Variants in ARMC10 observed in about 807,000 individuals in gnomAD.
ARMC10 encodes armadillo repeat containing 10.
In ARMC10, 23 loss-of-function variants were observed where a neutral mutation model predicts 30.2. The observed-to-expected ratio is 0.76, with a 90% CI of 0.55 to 1.08. The LOEUF is 1.08. ARMC10 is among the 50% of genes least tolerant of loss of function. ARMC10 has a pLI of 0.00. For missense variants in ARMC10, 303 were observed against 413.7 expected, an observed-to-expected ratio of 0.73 and a Z score of 2.32; for synonymous variants, 111 against 164.4, an observed-to-expected ratio of 0.68 and a Z score of 2.48.
intron 3 of ARMC10, 47 bp downstream of exon 3, chr7:103,083,877 T>TA: frequency 6.3e-7 from 1 of 1,596,782 alleles, no homozygotes; most frequent in South Asian, 1.1e-5. Flanking sequence ...TCTTACACAC[T>TA]AGCGGTAATT....
At chr7:103,075,666 T>G in intron 1 of ARMC10, 111 bp from the exon 2 acceptor site, 1 of 918,356 alleles carries the variant, frequency 1.1e-6, no homozygotes, top group South Asian at 2.0e-5. Context: ...AACCTGTTGA[T>G]GGCCTCTCAT....
intron 1 of ARMC10, 73 bp downstream of exon 1, chr7:103,075,484 G>C: frequency 1.0e-5 from 13 of 1,246,262 alleles, no homozygotes; most frequent in Non-Finnish European, 1.3e-5. Context: ...GTGGTGGCTT[G>C]CGTGTGCTCG....
intron 3 of ARMC10, among the ~76,000 whole-genome samples, chr7:103,085,606 CTTTTTTTT>C (rs10581217): frequency 7.7e-6 from 1 of 130,586 alleles, no homozygotes. Flanking sequence ...CATTTCTCTT[CTTTTTTTT>C]TTTTTTTTTT....
intron 3 of ARMC10, among the ~76,000 whole-genome samples, chr7:103,084,498 A>G (rs1425987444): frequency 6.6e-6 from 1 of 152,244 alleles, no homozygotes; most frequent in Non-Finnish European, 1.5e-5. Context: ...ATAAACGTAT[A>G]GGGAGATAGA....
intron 1 of ARMC10, among the ~76,000 whole-genome samples, 155 bp from the exon 2 acceptor site, chr7:103,075,622 C>T (rs1799674977): frequency 6.6e-6 from 1 of 152,262 alleles, no homozygotes; most frequent in South Asian, 2.1e-4. Flanking sequence ...CCTGCCTGAG[C>T]TCCGCGTCAC....
chr7:103,097,874 C>A (rs1219480342), intron 6 of ARMC10, among the ~76,000 whole-genome samples: 1 of 152,152 alleles, frequency 6.6e-6, no homozygotes, highest in Non-Finnish European at 1.5e-5. Flanking sequence ...GAAGAGGAAC[C>A]ATCGTATTCA....
chr7:103,082,007 A>G, intron 2 of ARMC10: 1 of 424,740 alleles, frequency 2.4e-6, no homozygotes, highest in South Asian at 1.7e-5. Flanking sequence ...TCCTGGCTTC[A>G]GTTTCTTCCT....
chr7:103,084,869 A>C (rs1800695396), intron 3 of ARMC10, among the ~76,000 whole-genome samples: 1 of 152,158 alleles, frequency 6.6e-6, no homozygotes, highest in South Asian at 2.1e-4. Context: ...AACCCTTTGG[A>C]TCAATCTCCG....
At position 103,075,825 on chromosome 7, in the gene ARMC10, C is replaced by A. The variant is rs928481443; in HGVS notation, c.188C>A (p.Ala63Asp). Reference sequence around the variant, plus strand: ...GAGGGTCAGTTGTGCGGGCGCTCGGCCCGGCCTCAGACGGGAGGTACCTGG... The same window carrying A: ...GAGGGTCAGTTGTGCGGGCGCTCGGACCGGCCTCAGACGGGAGGTACCTGG... ...TSEGQLCGRS[A>D]RPQTGGTWES... Residue 63 changes from alanine to aspartate, a missense_variant, in exon 2 of 7, where the codon GCC becomes GAC. By Grantham distance (126) the Ala-to-Asp change is moderately radical. This residue lies in a region of ARMC10 where 96 missense variants were observed against 84.2 expected (regional missense o/e 1.14). Transcript: ENST00000323716. The A allele has an allele frequency of 1.2e-6, 2 of 1,611,280 alleles. No homozygotes were observed. Among genetic ancestry groups the A allele is most frequent in the Admixed American group, 3.4e-5 (2 of 59,674 alleles).
At chr7:103,080,597 T>G (rs1040052251) in intron 2 of ARMC10, among the ~76,000 whole-genome samples, 3 of 151,268 alleles carry the variant, frequency 2.0e-5, no homozygotes, top group Admixed American at 6.6e-5. Context: ...ATATATAGAA[T>G]TAAAGTATAG....
intron 5 of ARMC10, among the ~76,000 whole-genome samples, chr7:103,093,496 C>G (rs372885031): frequency 1.3e-5 from 2 of 152,156 alleles, no homozygotes; most frequent in Non-Finnish European, 2.9e-5. Flanking sequence ...TTCCTCTTTT[C>G]CAATAGCCAA....
rs528923794 is a variant in ARMC10 at position 103,083,467 on chromosome 7, TA to T, written c.245-211del. On this transcript the variant is annotated intron_variant, in intron 2 of 6. Transcript: ENST00000323716. ...GACCCCCATCTGTACAAAAAATGTT[TA>T]AAATTAGCCGGGTGTGGTGCATGTG... is the stretch of plus-strand genomic sequence containing the variant. Among the ~76,000 whole-genome samples the T allele has an allele frequency of 2.0e-5, 3 of 152,080 alleles. No individual in the cohort carries two copies. In the East Asian group the frequency reaches 5.8e-4, roughly 30 times the overall value.
intron 3 of ARMC10, among the ~76,000 whole-genome samples, chr7:103,085,252 C>G (rs1800733187): frequency 6.8e-6 from 1 of 148,106 alleles, no homozygotes; most frequent in Non-Finnish European, 1.5e-5. Context: ...TCTGCTTTAA[C>G]AATACAGTTA....
At chr7:103,093,026 T>A (rs1801485070) in intron 5 of ARMC10, among the ~76,000 whole-genome samples, 1 of 152,316 alleles carries the variant, frequency 6.6e-6, no homozygotes, top group East Asian at 1.9e-4. Flanking sequence ...AAAACAACTT[T>A]TAAGCTGTAG....
At chr7:103,089,240 C>T in intron 4 of ARMC10, 1 of 249,090 alleles carries the variant, frequency 4.0e-6, no homozygotes, top group Non-Finnish European at 8.9e-6. Flanking sequence ...GCTCGATATG[C>T]AGTAAGATAT....
In ARMC10 at chr7:103,092,649, C is replaced by T. The variant is rs147396760; in HGVS notation, c.701C>T (p.Thr234Met). The part of the protein sequence containing the change: ...FQVLLTGNGN[T>M]KVQVLKLLLN... ...GTGTTACTTACTGGAAATGGAAACA[C>T]GAAGGTATGAAGAGCTATTGTGTCA... The change falls in exon 5 of 7, where the codon ACG becomes ATG. Residue 234 changes from threonine (T) to methionine (M), a missense_variant. This residue lies in a region of ARMC10 where 170 missense variants were observed against 207.2 expected (regional missense o/e 0.82). Coordinates refer to ENST00000323716, the MANE Select transcript of ARMC10 (RefSeq NM_031905.5). The T allele has an allele frequency of 4.9e-5, 76 of 1,564,272 alleles. 1 individual carries two copies. The African/African-American group carries it at 7.9e-4, about 16-fold the overall frequency.
At chr7:103,081,921 C>A in intron 2 of ARMC10, 1 of 456,658 alleles carries the variant, frequency 2.2e-6, no homozygotes, top group South Asian at 1.5e-5. Flanking sequence ...AAGTGACTTA[C>A]TTGTAACTTT....
intron 4 of ARMC10, chr7:103,089,272 TGTTTAAAGTCCA>T (rs1359885682): frequency 4.4e-6 from 1 of 229,776 alleles, no homozygotes; most frequent in Non-Finnish European, 9.7e-6. Flanking sequence ...GGCAGCATTT[TGTTTAAAGTCCA>T]GTTTTTCAGG....
chr7:103,094,344 AC>A (rs1388242300), intron 5 of ARMC10, among the ~76,000 whole-genome samples: 1 of 152,108 alleles, frequency 6.6e-6, no homozygotes, highest in Non-Finnish European at 1.5e-5. Flanking sequence ...AGGAAAAAAA[AC>A]ATGTCTTAAT....
Sources: gnomAD v4.1 joint callset for allele counts (sites outside exome capture counted in the v4.1 genomes callset) on GRCh38, gnomAD v4.1.1 for gene constraint, gnomAD v4.1.1 regional missense constraint, MANE v1.5 for transcripts, NCBI Gene and HGNC (gene_info 2026-07-23, HGNC 2026-07-21) for gene names.